The following ADGRE3 variants were observed in gnomAD, a reference collection of about 807,000 sequenced individuals.
ADGRE3 encodes EGF-like module receptor 3.
A neutral mutation model predicts 80.1 loss-of-function variants in ADGRE3; 88 were observed. The ratio of observed to expected loss-of-function variants is 1.10; its 90% CI spans 0.93 to 1.31. The LOEUF (loss-of-function observed/expected upper bound fraction) is 1.31, where lower values mean the gene tolerates loss of function less well. Ranked by LOEUF, ADGRE3 falls within the 40% of genes most tolerant of loss-of-function variation. ADGRE3 has a pLI of 0.00. For synonymous variants in ADGRE3, 281 were observed against 294.8 expected, an observed-to-expected ratio of 0.95 and a Z score of 0.48; for missense variants, 715 against 776.5, an observed-to-expected ratio of 0.92 and a Z score of 0.94.
At chr19:14,650,628 CAT>C (rs1332496292) in intron 7 of ADGRE3, among the ~76,000 whole-genome samples, 2 of 46,580 alleles carry the variant, frequency 4.3e-5, no homozygotes, top group Admixed American at 2.4e-4. Flanking sequence ...TCTCTGTCTC[CAT>C]CTCTCTCTCT....
At chr19:14,617,353 T>TCTTTCTTTCTTG (rs2075084893), downstream of ADGRE3, among the ~76,000 whole-genome samples, 1 of 103,044 alleles carries the variant, frequency 9.7e-6, no homozygotes. Context: ...TTTCTTTCTT[T>TCTTTCTTTCTTG]CTTTCTTTCT....
intron 14 of ADGRE3, chr19:14,628,910 T>C (rs1328596927): frequency 6.4e-6 from 1 of 156,698 alleles, no homozygotes; most frequent in Non-Finnish European, 1.4e-5. Flanking sequence ...TGGTATTGAC[T>C]GGAAGCTTCT....
chr19:14,659,689 C>T (rs527524936), intron 4 of ADGRE3, among the ~76,000 whole-genome samples: 3 of 151,330 alleles, frequency 2.0e-5, no homozygotes, highest in African/African-American at 4.9e-5. Flanking sequence ...GGCATGTTGG[C>T]GGGTGCCTGT....
intron 15 of ADGRE3, among the ~76,000 whole-genome samples, chr19:14,619,837 T>C (rs192818020): frequency 1.4e-4 from 22 of 152,316 alleles, no homozygotes; most frequent in African/African-American, 5.3e-4. Context: ...ACTGTAGTAC[T>C]CAACAAATGT....
At chr19:14,627,583 T>C (rs1323241484) in intron 14 of ADGRE3, among the ~76,000 whole-genome samples, 2 of 151,960 alleles carry the variant, frequency 1.3e-5, no homozygotes, top group African/African-American at 2.4e-5. Flanking sequence ...TTCACCATGT[T>C]GGCCAGGCTG....
chr19:14,633,166 T>G, intron 12 of ADGRE3, 70 bp downstream of exon 12: 1 of 1,418,038 alleles, frequency 7.1e-7, no homozygotes, highest in Non-Finnish European at 9.9e-7. Flanking sequence ...TGCAAGCCCC[T>G]TGTACCATCT....
downstream of ADGRE3, among the ~76,000 whole-genome samples, chr19:14,618,813 T>G (rs1161694586): frequency 8.5e-6 from 1 of 117,550 alleles, no homozygotes; most frequent in African/African-American, 3.3e-5. Flanking sequence ...GCCGTTGCAC[T>G]CCAGCCTGGG....
intron 5 of ADGRE3, 165 bp downstream of exon 5, chr19:14,658,348 G>T: frequency 3.4e-6 from 1 of 292,666 alleles, no homozygotes. Context: ...AATATATTAT[G>T]TATTTATATA....
At chr19:14,670,778 T>C (rs935577528) in intron 1 of ADGRE3, among the ~76,000 whole-genome samples, 4 of 152,242 alleles carry the variant, frequency 2.6e-5, no homozygotes, top group African/African-American at 9.6e-5. Flanking sequence ...GTAAGTAACT[T>C]GCTCCATTCA....
At chr19:14,620,556 A>ATAT (rs1970562329) in intron 15 of ADGRE3, among the ~76,000 whole-genome samples, 1 of 21,980 alleles carries the variant, frequency 4.5e-5, no homozygotes, top group Non-Finnish European at 8.1e-5. Flanking sequence ...TATTATATAT[A>ATAT]TATATATATA....
chr19:14,609,276 G>C, the ADGRE3 span, among the ~76,000 whole-genome samples: 1 of 152,314 alleles, frequency 6.6e-6, no homozygotes, highest in Admixed American at 6.5e-5. Context: ...TGGTGCTGTT[G>C]ACATCCCAGT....
intron 15 of ADGRE3, among the ~76,000 whole-genome samples, chr19:14,620,552 AT>A (rs1332180225): frequency 9.3e-5 from 2 of 21,480 alleles, no homozygotes; most frequent in African/African-American, 3.9e-4. Flanking sequence ...TATATATTAT[AT>A]ATATATATAT....
chr19:14,655,837 G>C (rs7255012), intron 5 of ADGRE3, among the ~76,000 whole-genome samples: 1 of 151,734 alleles, frequency 6.6e-6, no homozygotes, highest in African/African-American at 2.4e-5. Flanking sequence ...GGTTCTCAAC[G>C]GGGGGGTGAT....
intron 11 of ADGRE3, among the ~76,000 whole-genome samples, chr19:14,636,008 T>TTCCTTCCTTC (rs1568480868): frequency 2.6e-5 from 2 of 76,074 alleles, no homozygotes; most frequent in Non-Finnish European, 5.4e-5. Flanking sequence ...TCTTTCTCTT[T>TTCCTTCCTTC]CTTTCTTCCT....
At chr19:14,603,882 C>T in the ADGRE3 span, among the ~76,000 whole-genome samples, 9 of 152,166 alleles carry the variant, frequency 5.9e-5, no homozygotes, top group African/African-American at 1.9e-4. Context: ...TGAGTTCCCT[C>T]TTCTTAAACT....
Position 14,630,175 on chromosome 19 carries a change from A to C in ADGRE3, c.1676T>G (p.Phe559Cys). ...MLAFKATAQL[F>C]ILGCTWCLGL... ...CAGACACCATGTGCAGCCCAGGATG[A>C]AGAGCTGAGCTGTTGCTTTGAAAGC... The change falls in exon 14 of 16, where the codon TTC becomes TGC. Residue 559 changes from phenylalanine (F) to cysteine (C), a missense_variant. By Grantham distance (205) the Phe-to-Cys change is radical (BLOSUM62 -2). Coordinates refer to ENST00000253673, the MANE Select transcript of ADGRE3 (RefSeq NM_032571.5). 1 of 1,610,442 alleles carries C rather than the reference A, an allele frequency of 6.2e-7. No homozygotes were observed. The highest frequency in any genetic ancestry group is 8.5e-7 in the Non-Finnish European group (1 of 1,177,812).
intron 7 of ADGRE3, 134 bp from the exon 8 acceptor site, chr19:14,647,499 C>T (rs1194009750): frequency 3.1e-6 from 2 of 639,044 alleles, no homozygotes; most frequent in East Asian, 3.0e-5. Flanking sequence ...TCACTGCAAC[C>T]TCCGCCTCCC....
the ADGRE3 span, among the ~76,000 whole-genome samples, chr19:14,601,894 G>A: frequency 1.3e-5 from 2 of 151,964 alleles, no homozygotes; most frequent in African/African-American, 4.8e-5. Flanking sequence ...CCGGGTTCAC[G>A]CCATTTTCCC....
At chr19:14,638,378 G>T in intron 10 of ADGRE3, 38 bp from the exon 11 acceptor site, 1 of 1,531,862 alleles carries the variant, frequency 6.5e-7, no homozygotes, top group Non-Finnish European at 9.0e-7. Flanking sequence ...GGGGTTGTCA[G>T]GGTGGAGTAT....
Sources: gnomAD v4.1 joint callset for allele counts (sites outside exome capture counted in the v4.1 genomes callset) on GRCh38, gnomAD v4.1.1 for gene constraint, MANE v1.5 for transcripts, NCBI Gene and HGNC (gene_info 2026-07-23, HGNC 2026-07-21) for gene names.